Variants in CDC14A observed in about 807,000 individuals in gnomAD.
CDC14A encodes cell division cycle 14A.
In CDC14A, 53 loss-of-function variants were observed where a neutral mutation model predicts 74.4. The ratio of observed to expected loss-of-function variants is 0.71; its 90% confidence interval spans 0.57 to 0.89. The LOEUF is 0.89. Ranked by LOEUF, CDC14A falls within the 40% of genes least tolerant of loss-of-function variation. The pLI, the probability that CDC14A is intolerant of heterozygous loss-of-function variation, is 0.00. For synonymous variants in CDC14A, 247 were observed against 258.4 expected (o/e 0.96, Z 0.43); for missense variants, 646 against 713.7 (o/e 0.91, Z 1.08).
intron 2 of CDC14A, among the ~76,000 whole-genome samples, chr1:100,372,916 G>A (rs1654681488): frequency 6.6e-6 from 1 of 152,164 alleles, no homozygotes; most frequent in African/African-American, 2.4e-5. Flanking sequence ...GAATGCTGTG[G>A]CTGGTTTCAT....
At position 100,352,784 on chromosome 1, in the gene CDC14A, G is replaced by A. The variant is rs1164998540; in HGVS notation, c.-171G>A. ...CCCTCGGAATGTCCCCGGGGCGCCCGGCGCGCTGACCCCGAAGCCGCCTCC... is the reference window on the plus strand; with the variant it reads ...CCCTCGGAATGTCCCCGGGGCGCCCAGCGCGCTGACCCCGAAGCCGCCTCC... On this transcript the variant is annotated 5_prime_UTR_variant, in exon 1 of 16. Coordinates refer to ENST00000336454, the MANE Select transcript of CDC14A (RefSeq NM_003672.4). The A allele has an allele frequency of 7.0e-7, 1 of 1,424,254 alleles. No homozygotes were observed. Among genetic ancestry groups the A allele is most frequent in the East Asian group, 2.7e-5 (1 of 37,428 alleles). The allele number at this position is 1,424,254 out of a possible 1,614,324, so 88.2% of individuals were successfully genotyped here.
intron 2 of CDC14A, among the ~76,000 whole-genome samples, chr1:100,356,120 T>C (rs1651852114): frequency 6.6e-6 from 1 of 152,044 alleles, no homozygotes; most frequent in Non-Finnish European, 1.5e-5. Flanking sequence ...AGGGAACATG[T>C]AGGGGATGGA....
At chr1:100,463,130 C>T (rs920213136) in intron 9 of CDC14A, among the ~76,000 whole-genome samples, 3 of 152,190 alleles carry the variant, frequency 2.0e-5, no homozygotes, top group East Asian at 3.9e-4. Flanking sequence ...TCCAGGCCCA[C>T]GTGCCACAAT....
At chr1:100,379,799 A>T (rs957347676) in intron 3 of CDC14A, among the ~76,000 whole-genome samples, 2 of 152,186 alleles carry the variant, frequency 1.3e-5, no homozygotes, top group Admixed American at 1.3e-4. Flanking sequence ...CTTTCACTCA[A>T]GGCAGAAGGT....
chr1:100,352,401 T>C (rs1487215541), upstream of CDC14A: 101 of 839,400 alleles, frequency 1.2e-4, 1 homozygote, highest in African/African-American at 5.3e-4. Context: ...GTCGTGAAAG[T>C]GGAGGGGGCT....
At chr1:100,351,088 G>A (rs2100863200), upstream of CDC14A, among the ~76,000 whole-genome samples, 1 of 152,246 alleles carries the variant, frequency 6.6e-6, no homozygotes, top group Admixed American at 6.5e-5. Context: ...CAACTATTTG[G>A]GAGAATGAGG....
intron 4 of CDC14A, among the ~76,000 whole-genome samples, chr1:100,406,058 A>G (rs1446692459): frequency 6.6e-6 from 1 of 152,096 alleles, no homozygotes; most frequent in African/African-American, 2.4e-5. Context: ...TTGACTTTTT[A>G]GTAATAGCCG....
At chr1:100,459,758 G>A (rs1667136331) in intron 8 of CDC14A, among the ~76,000 whole-genome samples, 1 of 152,084 alleles carries the variant, frequency 6.6e-6, no homozygotes, top group African/African-American at 2.4e-5. Context: ...ATAAGTTCTG[G>A]GTCGGCACAT....
chr1:100,510,946 T>C (rs990115640), intron 15 of CDC14A, among the ~76,000 whole-genome samples: 1 of 152,226 alleles, frequency 6.6e-6, no homozygotes. Flanking sequence ...GCTAAGAACA[T>C]AGAATTTATC....
upstream of CDC14A, chr1:100,351,661 C>T (rs763226326): frequency 2.3e-6 from 3 of 1,325,130 alleles, no homozygotes; most frequent in Non-Finnish European, 3.2e-6. Context: ...GCGGTCTCGC[C>T]CCGCCCCTCC....
rs199869088 is a variant in CDC14A at position 100,499,116 on chromosome 1, A to G, written c.1609A>G (p.Asn537Asp). ...NYPELNNNQY[N>D]RSSNSNGGNL... The stretch of plus-strand genomic sequence containing the variant: ...CCCTGAGCTCAACAATAATCAGTAC[A>G]ACAGAAGCAGCAACAGCAACGGGGG... Residue 537 changes from asparagine to aspartate, a missense_variant, in exon 15 of 16, where the codon AAC (asparagine) becomes GAC (aspartate). By Grantham distance (23) the Asn-to-Asp change is conservative. Transcript: ENST00000336454. 4 of 1,614,154 alleles carry G rather than the reference A, an allele frequency of 2.5e-6. No homozygotes were observed. Among genetic ancestry groups the G allele is most frequent in the Non-Finnish European group, 3.4e-6 (4 of 1,180,018 alleles).
rs1650402107 is a variant in CDC14A, at chr1:100,518,239, CTCCCTGCACAG to C, written c.1756-6_1760del. On this transcript the variant is annotated splice_acceptor_variant and splice_polypyrimidine_tract_variant and intron_variant, in intron 15 of 15. Transcript: ENST00000336454. LOFTEE classifies it high-confidence loss of function. ...TGGAATTTAACCTCAGTTTATGTCT[CTCCCTGCACAG>C]TCCCTTCAGTCTGAATATGTTCATT... 6.2e-7 allele frequency: 1 copy of C among 1,608,462 alleles called. No homozygotes were observed. Among genetic ancestry groups the C allele is most frequent in the African/African-American group, 1.3e-5 (1 of 74,808 alleles).
chr1:100,397,064 T>A (rs1210085693), intron 4 of CDC14A, among the ~76,000 whole-genome samples: 1 of 151,984 alleles, frequency 6.6e-6, no homozygotes, highest in Non-Finnish European at 1.5e-5. Flanking sequence ...TCAGCTATCC[T>A]TAGTGTTAGT....
chr1:100,401,260 C>G (rs1260648017), intron 4 of CDC14A, among the ~76,000 whole-genome samples: 4 of 152,136 alleles, frequency 2.6e-5, no homozygotes, highest in Non-Finnish European at 5.9e-5. Context: ...AGGACTTTGT[C>G]TTATTTTCCA....
chr1:100,356,188 C>T (rs1283294153), intron 2 of CDC14A, among the ~76,000 whole-genome samples: 2 of 152,180 alleles, frequency 1.3e-5, no homozygotes, highest in Admixed American at 6.5e-5. Flanking sequence ...GAGAAACCTG[C>T]AGTTTCTTTG....
At chr1:100,405,354 G>A (rs1308025983) in intron 4 of CDC14A, among the ~76,000 whole-genome samples, 1 of 152,076 alleles carries the variant, frequency 6.6e-6, no homozygotes, top group African/African-American at 2.4e-5. Context: ...TGAGCTTTTT[G>A]AGTAAAGGGA....
chr1:100,486,303 A>G (rs908262520), intron 11 of CDC14A, among the ~76,000 whole-genome samples: 11 of 152,166 alleles, frequency 7.2e-5, no homozygotes, highest in African/African-American at 2.4e-4. Flanking sequence ...TTTAATCCCC[A>G]ATTTGTTGAA....
chr1:100,495,673 G>C (rs934721327), intron 12 of CDC14A, among the ~76,000 whole-genome samples: 1 of 152,168 alleles, frequency 6.6e-6, no homozygotes, highest in Non-Finnish European at 1.5e-5. Context: ...TGCCGGTATG[G>C]TAAACACCAA....
At chr1:100,376,660 T>G (rs1266836916) in intron 2 of CDC14A, among the ~76,000 whole-genome samples, 1 of 152,146 alleles carries the variant, frequency 6.6e-6, no homozygotes, top group East Asian at 1.9e-4. Context: ...GTCAGTTAAA[T>G]TCATGATGTT....
Sources: allele counts gnomAD v4.1 joint callset (sites outside exome capture counted in the v4.1 genomes callset), GRCh38; gene constraint gnomAD v4.1.1; transcripts MANE v1.5; gene names NCBI Gene and HGNC (gene_info 2026-07-23, HGNC 2026-07-21).